The following RPTOR variants were observed in gnomAD, a reference collection of about 807,000 sequenced individuals.
The protein encoded by RPTOR is regulatory associated protein of MTOR complex 1, also known as regulatory-associated protein of mTOR.
RPTOR carries 21 observed loss-of-function variants against 169.9 expected under a neutral mutation model. The observed-to-expected ratio is 0.12, with a 90% confidence interval of 0.09 to 0.18. The LOEUF is 0.18. Ranked by LOEUF, RPTOR falls within the 10% of genes least tolerant of loss-of-function variation. The probability of loss-of-function intolerance (pLI) is 1.00; values close to 1 mark genes in which losing one functional copy is unlikely to be tolerated. For missense variants in RPTOR, 1,133 were observed against 1,855.9 expected, an observed-to-expected ratio of 0.61 and a Z score of 7.16; for synonymous variants, 732 against 753.2, an observed-to-expected ratio of 0.97 and a Z score of 0.46.
At chr17:80,554,471 C>T (rs896555181) in intron 1 of RPTOR, among the ~76,000 whole-genome samples, 9 of 151,922 alleles carry the variant, frequency 5.9e-5, no homozygotes, top group South Asian at 2.1e-4. Flanking sequence ...AGGTGGGGTG[C>T]GGTGGCTCAC....
At chr17:80,871,396 G>T (rs1210989554) in intron 13 of RPTOR, among the ~76,000 whole-genome samples, 1 of 152,214 alleles carries the variant, frequency 6.6e-6, no homozygotes, top group East Asian at 1.9e-4. Flanking sequence ...ATTAGATTGG[G>T]ATTTGGAGAG....
At chr17:80,560,231 G>C (rs1378322250) in intron 1 of RPTOR, among the ~76,000 whole-genome samples, 1 of 152,222 alleles carries the variant, frequency 6.6e-6, no homozygotes, top group Non-Finnish European at 1.5e-5. Context: ...CTCCTAGCTG[G>C]ATGGGCTGTG....
chr17:80,683,407 G>A (rs983037710), intron 3 of RPTOR, among the ~76,000 whole-genome samples: 3 of 152,078 alleles, frequency 2.0e-5, no homozygotes, highest in African/African-American at 7.2e-5. Context: ...CCCATGATTG[G>A]CCATACTCAT....
At chr17:80,625,351 C>T (rs2065385119) in intron 1 of RPTOR, among the ~76,000 whole-genome samples, 1 of 151,978 alleles carries the variant, frequency 6.6e-6, no homozygotes, top group Non-Finnish European at 1.5e-5. Context: ...ATTTTTTTTG[C>T]AAAGGAATTT....
At chr17:80,671,935 G>C (rs1234166783) in intron 3 of RPTOR, among the ~76,000 whole-genome samples, 1 of 152,212 alleles carries the variant, frequency 6.6e-6, no homozygotes, top group Admixed American at 6.5e-5. Context: ...CCAAGTAGCT[G>C]TTGTAGCATT....
rs17848644 is a variant in RPTOR, at chr17:80,885,168, G to A, written c.1983+20G>A. 1.1e-4 allele frequency: 170 copies of A among 1,548,272 alleles called. No individual in the cohort carries two copies. The East Asian group carries it at 1.3e-3, about 12-fold the overall frequency. Reference sequence around the variant, plus strand: ...CGGAAGGTGCGTGAACCCCCAGCCCGGCAGCAGCAGGGCACCCAGGCTGGA... The same window carrying A: ...CGGAAGGTGCGTGAACCCCCAGCCCAGCAGCAGCAGGGCACCCAGGCTGGA... On this transcript the variant is annotated intron_variant, in intron 17 of 33. Coordinates refer to ENST00000306801, the MANE Select transcript of RPTOR (RefSeq NM_020761.3).
intron 18 of RPTOR, 45 bp downstream of exon 18, chr17:80,891,882 G>A (rs752550871): frequency 1.0e-5 from 14 of 1,398,548 alleles, no homozygotes; most frequent in East Asian, 4.6e-5. Flanking sequence ...CTCGCCTGGC[G>A]GTTCTAGTGC....
At chr17:80,853,531 C>G (rs930410208) in intron 11 of RPTOR, among the ~76,000 whole-genome samples, 1 of 152,206 alleles carries the variant, frequency 6.6e-6, no homozygotes, top group Non-Finnish European at 1.5e-5. Context: ...TGTGGTCACT[C>G]TCCTAGCACC....
intron 1 of RPTOR, among the ~76,000 whole-genome samples, chr17:80,583,056 C>T (rs1425803603): frequency 6.6e-6 from 1 of 151,880 alleles, no homozygotes; most frequent in African/African-American, 2.4e-5. Context: ...GCTGGGACCC[C>T]AGGCATGCGC....
chr17:80,885,002 T>A lies in RPTOR; in HGVS notation c.1843-6T>A. The stretch of plus-strand genomic sequence containing the variant: ...GACATGCCTGTGACCCCCCGCCGCC[T>A]TGCAGGTCCGCTGCGCAGCGGTCTT... On this transcript the variant is annotated splice_polypyrimidine_tract_variant and splice_region_variant and intron_variant, in intron 16 of 33. Coordinates refer to ENST00000306801, the MANE Select transcript of RPTOR (RefSeq NM_020761.3). 3 of 1,607,174 alleles carry A rather than the reference T, an allele frequency of 1.9e-6. No homozygotes were observed. The highest frequency in any genetic ancestry group is 2.5e-6 in the Non-Finnish European group (3 of 1,177,868).
intron 11 of RPTOR, among the ~76,000 whole-genome samples, chr17:80,847,246 C>T (rs1275229703): frequency 6.6e-6 from 1 of 152,262 alleles, no homozygotes; most frequent in African/African-American, 2.4e-5. Context: ...GTGCTGTTCA[C>T]GTGCAGACCA....
intron 24 of RPTOR, among the ~76,000 whole-genome samples, chr17:80,930,682 A>G (rs2068886963): frequency 6.6e-6 from 1 of 152,254 alleles, no homozygotes; most frequent in Non-Finnish European, 1.5e-5. Flanking sequence ...GAATAGAATA[A>G]GTCGTTGGTT....
At chr17:80,826,293 G>A (rs1184270778) in intron 9 of RPTOR, among the ~76,000 whole-genome samples, 1 of 152,222 alleles carries the variant, frequency 6.6e-6, no homozygotes, top group African/African-American at 2.4e-5. Flanking sequence ...AGCGGAGGAA[G>A]CGCAGTGCAG....
At chr17:80,857,256 C>G (rs1461719811) in intron 12 of RPTOR, among the ~76,000 whole-genome samples, 1 of 152,262 alleles carries the variant, frequency 6.6e-6, no homozygotes, top group Non-Finnish European at 1.5e-5. Flanking sequence ...AACCCCCGCT[C>G]CTCCCTGCCT....
intron 8 of RPTOR, among the ~76,000 whole-genome samples, chr17:80,822,752 TTGTGTG>T (rs367679301): frequency 6.6e-6 from 1 of 151,532 alleles, no homozygotes; most frequent in African/African-American, 2.4e-5. Flanking sequence ...ATATGCATAT[TTGTGTG>T]TGTGTATTTG....
intron 13 of RPTOR, among the ~76,000 whole-genome samples, chr17:80,872,382 G>C (rs1291464453): frequency 5.3e-5 from 8 of 152,160 alleles, no homozygotes; most frequent in African/African-American, 1.9e-4. Context: ...GCTATCCCGG[G>C]AGAACTGCGG....
intron 3 of RPTOR, among the ~76,000 whole-genome samples, chr17:80,682,785 T>C (rs2065908315): frequency 6.8e-6 from 1 of 147,270 alleles, no homozygotes; most frequent in Non-Finnish European, 1.5e-5. Flanking sequence ...GTGTTCTAAT[T>C]TGTTTCCTTT....
chr17:80,625,341 A>AT lies in RPTOR; in HGVS notation c.163-342dup, dbSNP rs148542133. Among the ~76,000 whole-genome samples, 1,266 of 152,136 alleles carry AT rather than the reference A, an allele frequency of 8.3e-3. 16 individuals are homozygous for AT. The highest frequency in any genetic ancestry group is 0.029 in the African/African-American group (1,202 of 41,506). On this transcript the variant is annotated intron_variant, in intron 1 of 33. Transcript: ENST00000306801. Reference sequence around the variant, plus strand: ...TCTGGTGGGAGTGTAAATTTGTGTAATTTTTTTTGCAAAGGAATTTGGCAG... The same window carrying AT: ...TCTGGTGGGAGTGTAAATTTGTGTAATTTTTTTTTGCAAAGGAATTTGGCAG...
intron 3 of RPTOR, among the ~76,000 whole-genome samples, chr17:80,690,594 A>G (rs2065983079): frequency 6.8e-6 from 1 of 147,950 alleles, no homozygotes; most frequent in Non-Finnish European, 1.5e-5. Flanking sequence ...GGTGAGCCAC[A>G]CTCACCTCTG....
Sources: gnomAD v4.1 joint callset for allele counts (sites outside exome capture counted in the v4.1 genomes callset) on GRCh38, gnomAD v4.1.1 for gene constraint, MANE v1.5 for transcripts, NCBI Gene and HGNC (gene_info 2026-07-23, HGNC 2026-07-21) for gene names.